KCNQ2: variants seen among roughly 807,000 people sequenced by gnomAD.
KCNQ2 encodes the protein potassium voltage-gated channel subfamily KQT member 2.
KCNQ2 carries 14 observed loss-of-function variants against 84.8 expected under a neutral mutation model. The ratio of observed to expected loss-of-function variants is 0.17; its 90% CI spans 0.11 to 0.26. The LOEUF is 0.26. Among genes scored for constraint, KCNQ2 ranks in the 10% least tolerant of loss-of-function variants. KCNQ2 has a pLI of 1.00. For synonymous variants in KCNQ2, 599 were observed against 554.1 expected, an observed-to-expected ratio of 1.08 and a Z score of -1.14; for missense variants, 788 against 1,254.0, an observed-to-expected ratio of 0.63 and a Z score of 5.61.
chr20:63,466,610 G>T (rs180947611), intron 1 of KCNQ2: 2 of 152,234 alleles, frequency 1.3e-5, no homozygotes. Context: ...ATCAGGCATC[G>T]TGTGGAGTGA....
In KCNQ2 at chr20:63,424,131, G is replaced by A. The variant is rs374843165; in HGVS notation, c.1247+46C>T. Reference sequence around the variant, plus strand: ...CACACGTGTGGGAGAGAGACCAGACGGCCGTGCACACGGCAGACACCAGGG... The same window carrying A: ...CACACGTGTGGGAGAGAGACCAGACAGCCGTGCACACGGCAGACACCAGGG... On this transcript the variant is annotated intron_variant, in intron 11 of 16. Transcript: ENST00000359125. The A allele has an allele frequency of 8.9e-5, 137 of 1,547,726 alleles. No individual in the cohort carries two copies. In the East Asian group the frequency reaches 1.2e-3, roughly 13 times the overall value.
rs973901398 is a variant in KCNQ2, at chr20:63,438,368, C to T, written c.1023+257G>A. On this transcript the variant is annotated intron_variant, in intron 7 of 16. Coordinates refer to ENST00000359125, the MANE Select transcript of KCNQ2 (RefSeq NM_172107.4). This position sits in a 1 kb window ranked among gnomAD's most constrained non-coding sequence, Gnocchi z 5.1. ...GGTGCGGTAGAGAGGACCTGATGGC[C>T]GGGCCCCAGCACCCACACAAGGCAA... 4 of 578,170 alleles carry T rather than the reference C, an allele frequency of 6.9e-6. No individual in the cohort carries two copies. Among genetic ancestry groups the T allele is most frequent in the South Asian group, 2.0e-5 (1 of 50,720 alleles). The allele number at this position is 578,170 out of a possible 1,614,324, so 35.8% of individuals were successfully genotyped here.
intron 4 of KCNQ2, among the ~76,000 whole-genome samples, chr20:63,442,920 C>CCAT (rs2081250969): frequency 6.1e-5 from 1 of 16,492 alleles, no homozygotes; most frequent in Non-Finnish European, 1.3e-4. Context: ...ATCACCATCA[C>CCAT]CACCATCACC....
intron 11 of KCNQ2, among the ~76,000 whole-genome samples, chr20:63,421,258 C>G (rs1017835067): frequency 6.6e-6 from 1 of 152,188 alleles, no homozygotes; most frequent in African/African-American, 2.4e-5. Context: ...CACTGAAGCT[C>G]CGGCTGTCGC....
At chr20:63,411,129 G>C (rs2080108170) in intron 15 of KCNQ2, 1 of 407,282 alleles carries the variant, frequency 2.5e-6, no homozygotes, top group Non-Finnish European at 4.9e-6. Context: ...CAGCTTGAAA[G>C]CCAGCACCGG....
At chr20:63,420,417 C>A (rs2080431110) in intron 11 of KCNQ2, among the ~76,000 whole-genome samples, 1 of 152,228 alleles carries the variant, frequency 6.6e-6, no homozygotes, top group African/African-American at 2.4e-5. Flanking sequence ...AAAAATGAAA[C>A]CAATCACCAA....
At position 63,465,931 on chromosome 20, in the gene KCNQ2, G is replaced by C. The variant is rs193241691; in HGVS notation, c.296+6237C>G. Among the ~76,000 whole-genome samples the C allele has an allele frequency of 8.3e-3, 1,259 of 152,300 alleles. 67 individuals carry two copies. The highest frequency in any genetic ancestry group is 0.079 in the Admixed American group (1,208 of 15,308). ...GTGTCGGTGCTGAGGCGTCCCGGCG[G>C]GTCCTCTGCTGCCGTCCCGAGGCGG... On this transcript the variant is annotated intron_variant, in intron 1 of 16. Coordinates refer to ENST00000359125, the MANE Select transcript of KCNQ2 (RefSeq NM_172107.4).
chr20:63,443,001 CCACCATCACCATCACCACCACCATCA>C (rs2081261983), intron 4 of KCNQ2, among the ~76,000 whole-genome samples: 2 of 43,898 alleles, frequency 4.6e-5, no homozygotes, highest in South Asian at 1.7e-3. Context: ...ATCACCATCA[CCACCATCACCATCACCACCACCATCA>C]CATCACCACC....
chr20:63,402,951 G>A lies in KCNQ2; in HGVS notation c.*3693C>T, dbSNP rs1439452409. 2.6e-5 allele frequency: 4 copies of A among 152,304 alleles called. No homozygotes were observed. Among genetic ancestry groups the A allele is most frequent in the East Asian group, 1.9e-4 (1 of 5,186 alleles). The allele number at this position is 152,304 out of a possible 1,614,324, so 9.4% of individuals were successfully genotyped here. On this transcript the variant is annotated 3_prime_UTR_variant, in exon 17 of 17. Coordinates refer to ENST00000359125, the MANE Select transcript of KCNQ2 (RefSeq NM_172107.4). ...TCACGGACTGTGATTTTATGCAGAGGGAGAAGGAGAAGCTGGGCCAGGAAA... is the reference window on the plus strand; with the variant it reads ...TCACGGACTGTGATTTTATGCAGAGAGAGAAGGAGAAGCTGGGCCAGGAAA...
intron 9 of KCNQ2, 24 bp from the exon 10 acceptor site, chr20:63,428,459 A>C: frequency 6.4e-7 from 1 of 1,569,346 alleles, no homozygotes; most frequent in South Asian, 1.2e-5. Flanking sequence ...AGGAGAGGGG[A>C]GTGAGCGTCT....
intron 12 of KCNQ2, among the ~76,000 whole-genome samples, chr20:63,418,437 C>G (rs2080366621): frequency 6.6e-6 from 1 of 152,230 alleles, no homozygotes; most frequent in African/African-American, 2.4e-5. Flanking sequence ...CCCTGCCCAG[C>G]TGGTGTCCGG....
At chr20:63,428,643 C>A (rs1435075124) in intron 9 of KCNQ2, among the ~76,000 whole-genome samples, 1 of 152,210 alleles carries the variant, frequency 6.6e-6, no homozygotes, top group African/African-American at 2.4e-5. Flanking sequence ...TCTTCATTCT[C>A]TGGCTGTGCC....
chr20:63,464,865 G>A (rs1291452698), intron 1 of KCNQ2, among the ~76,000 whole-genome samples: 2 of 152,202 alleles, frequency 1.3e-5, no homozygotes, highest in Non-Finnish European at 2.9e-5. Context: ...CCTTGGCAGG[G>A]GCGTCTCCCC....
chr20:63,406,792 A>G lies in KCNQ2; in HGVS notation c.2471T>C (p.Val824Ala). ...GGGCCTGACTTTGGCACAAGGCGCC[A>G]CGGCCGCGTAGCAGCTGTTGAGAGC... ...LDALNSCYAAVAPCAKVRPYI... is the reference protein window; with the variant it reads ...LDALNSCYAAAAPCAKVRPYI... The change falls in exon 17 of 17, where the codon GTG becomes GCG. Residue 824 changes from valine (V) to alanine (A), a missense_variant. Transcript: ENST00000359125. 6.2e-7 allele frequency: 1 copy of G among 1,612,610 alleles called. No individual in the cohort carries two copies. Among genetic ancestry groups the G allele is most frequent in the Non-Finnish European group, 8.5e-7 (1 of 1,179,854 alleles).
intron 4 of KCNQ2, among the ~76,000 whole-genome samples, chr20:63,444,107 A>C (rs1442802980): frequency 1.3e-5 from 2 of 152,166 alleles, no homozygotes; most frequent in African/African-American, 4.8e-5. Context: ...GAAAATGGGG[A>C]GGGGGCCATT....
chr20:63,408,318 C>T lies in KCNQ2; in HGVS notation c.1887+95G>A, dbSNP rs1005291053. 55 of 1,499,258 alleles carry T rather than the reference C, an allele frequency of 3.7e-5. No homozygotes were observed. The highest frequency in any genetic ancestry group is 2.3e-4 in the Middle Eastern group (1 of 4,304). 92.9% of individuals were successfully genotyped at this position (1,499,258 alleles called of 1,614,324 possible). A position where few individuals can be genotyped will look rare whatever the true frequency, so the allele number is the denominator to read the frequency against. ...TAAACCCTAGACTTGAGGAGCCCTC[C>T]GTGGCACCCAGCCCCTGAAGCCCAC... On this transcript the variant is annotated intron_variant, in intron 16 of 16. Coordinates refer to ENST00000359125, the MANE Select transcript of KCNQ2 (RefSeq NM_172107.4). This position sits in a 1 kb window ranked among gnomAD's most constrained non-coding sequence, Gnocchi z 5.0.
At chr20:63,417,031 G>A (rs566051011) in intron 12 of KCNQ2, among the ~76,000 whole-genome samples, 3 of 152,208 alleles carry the variant, frequency 2.0e-5, no homozygotes, top group Non-Finnish European at 2.9e-5. Flanking sequence ...GAGGCGTCGC[G>A]TGCTTGGGGA....
intron 1 of KCNQ2, among the ~76,000 whole-genome samples, chr20:63,469,370 G>C (rs777074369): frequency 6.6e-6 from 1 of 152,252 alleles, no homozygotes; most frequent in Non-Finnish European, 1.5e-5. Flanking sequence ...AAAGCACCCA[G>C]GCAGTGCGAG....
chr20:63,411,366 C>T (rs1212299586), intron 15 of KCNQ2, among the ~76,000 whole-genome samples: 1 of 152,200 alleles, frequency 6.6e-6, no homozygotes, highest in East Asian at 1.9e-4. Flanking sequence ...AGGTCAGTGC[C>T]TGGGGAGGCT....
Sources: gnomAD v4.1 joint callset for allele counts (sites outside exome capture counted in the v4.1 genomes callset) on GRCh38, gnomAD v4.1.1 for gene constraint, Gnocchi (gnomAD v3.1) non-coding constraint, MANE v1.5 for transcripts, NCBI Gene and HGNC (gene_info 2026-07-23, HGNC 2026-07-21) for gene names.